COL8A1: variants seen among roughly 807,000 people sequenced by gnomAD.
The protein encoded by COL8A1 is collagen alpha-1(VIII) chain.
Under a neutral mutation model 42.7 loss-of-function variants are expected in COL8A1, and 21 were observed. The ratio of observed to expected loss-of-function variants is 0.49; its 90% CI spans 0.35 to 0.71. The LOEUF (loss-of-function observed/expected upper bound fraction) is 0.71. Among genes scored for constraint, COL8A1 ranks in the 30% least tolerant of loss-of-function variants. The pLI, the probability that COL8A1 is intolerant of heterozygous loss-of-function variation, is 0.01. For synonymous variants in COL8A1, 367 were observed against 369.1 expected (o/e 0.99, Z 0.06); for missense variants, 788 against 962.4 (o/e 0.82, Z 2.40).
intron 1 of COL8A1, among the ~76,000 whole-genome samples, chr3:99,727,570 C>G (rs1576450479): frequency 6.6e-6 from 1 of 152,076 alleles, no homozygotes; most frequent in South Asian, 2.1e-4. Context: ...AATAGGGAAT[C>G]CTTTCCCCAT....
chr3:99,784,917 C>A (rs1188316800), intron 2 of COL8A1, among the ~76,000 whole-genome samples: 1 of 151,508 alleles, frequency 6.6e-6, no homozygotes, highest in Non-Finnish European at 1.5e-5. Context: ...AATTTTGCAA[C>A]AAAGGTACAT....
chr3:99,754,833 C>T (rs572310427), intron 2 of COL8A1, among the ~76,000 whole-genome samples: 2 of 152,156 alleles, frequency 1.3e-5, no homozygotes, highest in African/African-American at 4.8e-5. Context: ...AATAATTTAT[C>T]TCAATAGACC....
intron 3 of COL8A1, among the ~76,000 whole-genome samples, chr3:99,793,440 C>T (rs1416155062): frequency 3.3e-5 from 5 of 151,060 alleles, no homozygotes; most frequent in Admixed American, 2.6e-4. Context: ...TTAAAATACA[C>T]ACACACACAC....
intron 1 of COL8A1, among the ~76,000 whole-genome samples, chr3:99,740,673 C>A (rs1363785661): frequency 6.6e-6 from 1 of 152,230 alleles, no homozygotes; most frequent in East Asian, 1.9e-4. Context: ...AACTACAATT[C>A]AAGATGAGAT....
chr3:99,726,877 A>T (rs1940347718), intron 1 of COL8A1, among the ~76,000 whole-genome samples: 1 of 152,012 alleles, frequency 6.6e-6, no homozygotes, highest in South Asian at 2.1e-4. Flanking sequence ...TTGGCTTAGG[A>T]TTGACTTGGC....
chr3:99,671,323 T>C (rs908313408), intron 1 of COL8A1, among the ~76,000 whole-genome samples: 1 of 152,006 alleles, frequency 6.6e-6, no homozygotes, highest in Admixed American at 6.6e-5. Flanking sequence ...GGTAGAAAAC[T>C]TAATGCTCTT....
chr3:99,673,492 A>G (rs1375765960), intron 1 of COL8A1, among the ~76,000 whole-genome samples: 1 of 152,110 alleles, frequency 6.6e-6, no homozygotes, highest in Non-Finnish European at 1.5e-5. Flanking sequence ...ATATATTAAA[A>G]CAGTTTCTTG....
chr3:99,642,975 TA>T (rs1015052285), intron 1 of COL8A1, among the ~76,000 whole-genome samples: 5 of 152,170 alleles, frequency 3.3e-5, no homozygotes, highest in African/African-American at 7.2e-5. Context: ...TCTTGGAAAT[TA>T]AAAAAACTTT....
intron 2 of COL8A1, among the ~76,000 whole-genome samples, chr3:99,782,687 C>T (rs1356937352): frequency 2.6e-5 from 4 of 152,154 alleles, no homozygotes; most frequent in South Asian, 2.1e-4. Context: ...CCACCGCACC[C>T]GGCCCCTGAC....
chr3:99,745,436 T>C (rs1941005190), intron 2 of COL8A1, among the ~76,000 whole-genome samples: 1 of 152,196 alleles, frequency 6.6e-6, no homozygotes, highest in African/African-American at 2.4e-5. Flanking sequence ...TCTGGAGATT[T>C]GTAACATAAA....
rs1941630824 is a variant in COL8A1 at position 99,773,815 on chromosome 3, G to GTATATATATATATATATATATATTT, written c.-3-16863_-3-16839dup. Reference sequence around the variant, plus strand: ...TAAGTAGATGATTATATATATGTGTGTATATATATATATATATATATATTT... The same window carrying GTATATATATATATATATATATATTT: ...TAAGTAGATGATTATATATATGTGTGTATATATATATATATATATATATTTTATATATATATATATATATATATTT... On this transcript the variant is annotated intron_variant, in intron 2 of 3. Transcript: ENST00000652472. 5.6e-5 allele frequency among the ~76,000 whole-genome samples: 2 copies of GTATATATATATATATATATATATTT among 35,900 alleles called. 1 individual carries two copies. The highest frequency in any genetic ancestry group is 2.2e-4 in the African/African-American group (2 of 9,248). 23.6% of individuals were successfully genotyped at this position (35,900 alleles called of 152,430 possible).
chr3:99,732,647 G>A (rs188993967), intron 1 of COL8A1, among the ~76,000 whole-genome samples: 1 of 152,156 alleles, frequency 6.6e-6, no homozygotes, highest in African/African-American at 2.4e-5. Flanking sequence ...TGAGATTTGG[G>A]TGGGGACACA....
intron 1 of COL8A1, among the ~76,000 whole-genome samples, chr3:99,738,736 C>T (rs542982567): frequency 8.4e-6 from 1 of 118,756 alleles, no homozygotes; most frequent in African/African-American, 2.9e-5. Flanking sequence ...CCTCCTTGAG[C>T]TGTGGTGGGC....
Position 99,794,067 on chromosome 3 carries a change from A to G in COL8A1, c.329-163A>G, listed in dbSNP as rs1024318836. ...ATGCCAGGCCTGATTTTTAAGGTCT[A>G]GAAGATGAGCATATTATTCCTAGTC... On this transcript the variant is annotated intron_variant, in intron 3 of 3. Coordinates refer to ENST00000652472, the MANE Select transcript of COL8A1 (RefSeq NM_020351.4). This position sits in a 1 kb window ranked among gnomAD's most constrained non-coding sequence, Gnocchi z 4.3. 6.6e-6 allele frequency among the ~76,000 whole-genome samples: 1 copy of G among 152,238 alleles called. No homozygotes were observed. The highest frequency in any genetic ancestry group is 2.4e-5 in the African/African-American group (1 of 41,460).
chr3:99,758,411 T>A (rs936421563), intron 2 of COL8A1, among the ~76,000 whole-genome samples: 1 of 152,172 alleles, frequency 6.6e-6, no homozygotes, highest in African/African-American at 2.4e-5. Context: ...TTGTGAAACA[T>A]AATTCCATTA....
intron 1 of COL8A1, among the ~76,000 whole-genome samples, chr3:99,710,988 A>G (rs566516519): frequency 6.6e-6 from 1 of 152,300 alleles, no homozygotes. Flanking sequence ...GATGAAATCC[A>G]CCATTTTGGA....
At chr3:99,690,322 G>A (rs1302215072) in intron 1 of COL8A1, among the ~76,000 whole-genome samples, 2 of 152,192 alleles carry the variant, frequency 1.3e-5, no homozygotes, top group African/African-American at 4.8e-5. Context: ...CTAAATTTAT[G>A]TGATAAAAAA....
chr3:99,773,110 C>A (rs1323171303), intron 2 of COL8A1, among the ~76,000 whole-genome samples: 1 of 152,196 alleles, frequency 6.6e-6, no homozygotes, highest in Non-Finnish European at 1.5e-5. Flanking sequence ...AATGGGATAA[C>A]TTATTTGTAA....
intron 1 of COL8A1, among the ~76,000 whole-genome samples, chr3:99,698,322 G>GT (rs1939438939): frequency 6.6e-6 from 1 of 152,126 alleles, no homozygotes; most frequent in Admixed American, 6.5e-5. Context: ...AATCCTTTGG[G>GT]TATATACCCA....
Sources: gnomAD v4.1 joint callset for allele counts (sites outside exome capture counted in the v4.1 genomes callset) on GRCh38, gnomAD v4.1.1 for gene constraint, Gnocchi (gnomAD v3.1) non-coding constraint, MANE v1.5 for transcripts, NCBI Gene and HGNC (gene_info 2026-07-23, HGNC 2026-07-21) for gene names.